The following SRP19 variants were observed in gnomAD, a reference collection of about 807,000 sequenced individuals.
The protein encoded by SRP19 is signal recognition particle 19 kDa protein.
A neutral mutation model predicts 22.4 loss-of-function variants in SRP19; 11 were observed. That is an observed-to-expected ratio of 0.49 (90% CI 0.31 to 0.81). The LOEUF (loss-of-function observed/expected upper bound fraction) is 0.81, where lower values mean the gene tolerates loss of function less well. Ranked by LOEUF, SRP19 falls within the 40% of genes least tolerant of loss-of-function variation. The pLI is 0.05. For synonymous variants in SRP19, 61 were observed against 57.6 expected, an observed-to-expected ratio of 1.06 and a Z score of -0.27; for missense variants, 168 against 175.9, an observed-to-expected ratio of 0.96 and a Z score of 0.25.
At chr5:112,887,092 T>C (rs1389935360) in intron 4 of SRP19, 1 of 1,613,790 alleles carries the variant, frequency 6.2e-7, no homozygotes, top group South Asian at 1.1e-5. Flanking sequence ...CTGGGACTCG[T>C]GCTTCAGGAA....
At chr5:112,897,357 A>ACG (rs1417920385), downstream of SRP19, 4 of 47,730 alleles carry the variant, frequency 8.4e-5, no homozygotes, top group East Asian at 1.8e-3. Context: ...CCCATCACAC[A>ACG]CACACACACA....
downstream of SRP19, chr5:112,897,637 T>C (rs74817790): frequency 0.066 from 10,104 of 152,346 alleles, 399 homozygotes; most frequent in South Asian, 0.14. Context: ...ATACATCATA[T>C]ATTATCTTCT....
intron 4 of SRP19, chr5:112,885,727 C>A: frequency 3.3e-6 from 1 of 300,188 alleles, no homozygotes; most frequent in South Asian, 4.1e-5. Flanking sequence ...ATCAGCCAAG[C>A]TTGAAGCTAT....
intron 2 of SRP19, among the ~76,000 whole-genome samples, chr5:112,863,607 C>T (rs1767486844): frequency 6.6e-6 from 1 of 152,148 alleles, no homozygotes; most frequent in South Asian, 2.1e-4. Flanking sequence ...AAACTACTGC[C>T]CTGTCTCCTC....
intron 2 of SRP19, among the ~76,000 whole-genome samples, chr5:112,863,808 G>A (rs936493196): frequency 6.6e-6 from 1 of 152,148 alleles, no homozygotes; most frequent in Non-Finnish European, 1.5e-5. Context: ...GGGACTACAG[G>A]CACATGCCAC....
chr5:112,887,289 TTTTCCCCAAAGGCA>T (rs1580732729), intron 4 of SRP19: 1 of 1,107,426 alleles, frequency 9.0e-7, no homozygotes, highest in East Asian at 2.8e-5. Context: ...GCCTCTGTTA[TTTTCCCCAAAGGCA>T]TTACCAGTGT....
At chr5:112,877,477 C>T (rs757432658) in intron 4 of SRP19, 6 of 152,090 alleles carry the variant, frequency 3.9e-5, no homozygotes, top group Non-Finnish European at 8.8e-5. Flanking sequence ...TGGAGACATC[C>T]GTTTTAACTT....
exon 5 of SRP19, chr5:112,892,958 G>T: frequency 1.9e-6 from 3 of 1,594,222 alleles, no homozygotes; most frequent in Middle Eastern, 1.7e-4. Context: ...GACCAGGGCC[G>T]CCGGAGCCAG....
At chr5:112,865,938 G>C (rs966217305) in intron 4 of SRP19, among the ~76,000 whole-genome samples, 2 of 152,054 alleles carry the variant, frequency 1.3e-5, no homozygotes, top group African/African-American at 4.8e-5. Context: ...TGTTGCCCAG[G>C]CTAGTCTCAA....
At chr5:112,861,458 T>G (rs542906252) in intron 1 of SRP19, 41 bp downstream of exon 1, 7 of 1,603,436 alleles carry the variant, frequency 4.4e-6, no homozygotes, top group Non-Finnish European at 6.0e-6. Context: ...GGAAGGGGCT[T>G]GCTGTGGTGC....
intron 4 of SRP19, chr5:112,887,211 A>G (rs371922102): frequency 4.7e-5 from 73 of 1,538,668 alleles, no homozygotes; most frequent in Non-Finnish European, 6.1e-5. Flanking sequence ...CAGCATGGGT[A>G]ACAGGAGGGT....
exon 5 of SRP19, chr5:112,891,715 G>C (rs1768457486): frequency 1.2e-6 from 2 of 1,613,980 alleles, no homozygotes; most frequent in African/African-American, 2.7e-5. Flanking sequence ...AAAGTACAGG[G>C]CCGCCCTGAA....
intron 4 of SRP19, among the ~76,000 whole-genome samples, chr5:112,890,699 T>C (rs998498174): frequency 4.0e-5 from 6 of 150,404 alleles, no homozygotes; most frequent in Non-Finnish European, 7.4e-5. Context: ...TCTAAAGATA[T>C]ATACAGATCT....
At chr5:112,881,911 C>G (rs909182755) in intron 4 of SRP19, 1 of 150,814 alleles carries the variant, frequency 6.6e-6, no homozygotes, top group Non-Finnish European at 1.5e-5. Flanking sequence ...ACTACTGGTA[C>G]GCATCACCAC....
intron 4 of SRP19, among the ~76,000 whole-genome samples, chr5:112,865,794 A>T (rs565926245): frequency 1.3e-5 from 2 of 152,316 alleles, no homozygotes; most frequent in Admixed American, 1.3e-4. Flanking sequence ...GGGTTTCGCC[A>T]TGTTGGCCAG....
chr5:112,862,231 G>T, intron 1 of SRP19: 1 of 486,790 alleles, frequency 2.1e-6, no homozygotes, highest in Non-Finnish European at 3.7e-6. Flanking sequence ...ATACCCTCTA[G>T]ACGTTTCCCA....
chr5:112,881,768 A>ATTAT (rs1381147293), intron 4 of SRP19, among the ~76,000 whole-genome samples: 2 of 151,702 alleles, frequency 1.3e-5, no homozygotes, highest in Non-Finnish European at 2.9e-5. Flanking sequence ...CACTACTCCT[A>ATTAT]TTATTTATTT....
chr5:112,887,010 C>G, intron 4 of SRP19: 1 of 1,594,876 alleles, frequency 6.3e-7, no homozygotes, highest in Non-Finnish European at 8.6e-7. Context: ...GTTCCTGAGT[C>G]TTACCTTCTT....
At chr5:112,874,799 G>A (rs868443850) in intron 4 of SRP19, among the ~76,000 whole-genome samples, 4 of 147,376 alleles carry the variant, frequency 2.7e-5, no homozygotes, top group East Asian at 3.9e-4. Context: ...TTTTTGAGAC[G>A]GAGTTTCGCT....
Sources: gnomAD v4.1 joint callset for allele counts (sites outside exome capture counted in the v4.1 genomes callset) on GRCh38, gnomAD v4.1.1 for gene constraint, MANE v1.5 for transcripts, NCBI Gene and HGNC (gene_info 2026-07-23, HGNC 2026-07-21) for gene names.